Variants in PCDH15 observed in about 807,000 individuals in gnomAD.
The protein encoded by PCDH15 is protocadherin-15.
A neutral mutation model predicts 178.5 loss-of-function variants in PCDH15; 129 were observed. The observed-to-expected ratio is 0.72, with a 90% CI of 0.63 to 0.84. The LOEUF is 0.84. PCDH15 is among the 40% of genes least tolerant of loss of function. The pLI, the probability that PCDH15 is intolerant of heterozygous loss-of-function variation, is 0.00. For synonymous variants in PCDH15, 800 were observed against 732.0 expected, an observed-to-expected ratio of 1.09 and a Z score of -1.50; for missense variants, 2,230 against 2,099.9, an observed-to-expected ratio of 1.06 and a Z score of -1.21.
At chr10:54,078,662 C>T (rs1431114023) in intron 17 of PCDH15, among the ~76,000 whole-genome samples, 2 of 151,162 alleles carry the variant, frequency 1.3e-5, no homozygotes, top group African/African-American at 4.9e-5. Flanking sequence ...GGTAATATTA[C>T]AATACATAGA....
chr10:54,407,858 C>T (rs988191492), intron 3 of PCDH15, among the ~76,000 whole-genome samples: 5 of 151,958 alleles, frequency 3.3e-5, no homozygotes, highest in Non-Finnish European at 5.9e-5. Context: ...GAGTTCCAGA[C>T]CAGCCTGGCC....
At chr10:53,934,087 G>A (rs1470062534) in intron 25 of PCDH15, among the ~76,000 whole-genome samples, 1 of 152,148 alleles carries the variant, frequency 6.6e-6, no homozygotes, top group Non-Finnish European at 1.5e-5. Flanking sequence ...TTTGTCAGAT[G>A]AGTAGGTTGC....
intron 3 of PCDH15, among the ~76,000 whole-genome samples, chr10:54,429,270 A>C (rs1294468020): frequency 6.6e-6 from 1 of 152,136 alleles, no homozygotes; most frequent in East Asian, 1.9e-4. Flanking sequence ...ATCAGTCTGA[A>C]ATAATGGTTT....
intron 1 of PCDH15, among the ~76,000 whole-genome samples, chr10:55,318,481 A>G (rs2132296757): frequency 6.6e-6 from 1 of 152,286 alleles, no homozygotes; most frequent in South Asian, 2.1e-4. Flanking sequence ...GAGTGATAAA[A>G]ATCGAAAGTT....
chr10:53,961,840 T>C lies in PCDH15; in HGVS notation c.2921A>G (p.Tyr974Cys). 1.2e-6 allele frequency: 2 copies of C among 1,609,682 alleles called. No individual in the cohort carries two copies. The highest frequency in any genetic ancestry group is 2.2e-5 in the South Asian group (2 of 90,856). Residue 974 changes from tyrosine to cysteine, a missense_variant, in exon 22 of 38, where the codon TAC becomes TGC. Transcript: ENST00000644397. ...RYRVDDVQFP[Y>C]PASIFEVEED... ...TTCCACTTCAAAAATACTGGCAGGG[T>C]AAGGAAACTGTACATCATCTACTCT...
At chr10:54,488,608 C>A (rs1047798415) in intron 3 of PCDH15, among the ~76,000 whole-genome samples, 1 of 151,776 alleles carries the variant, frequency 6.6e-6, no homozygotes, top group African/African-American at 2.4e-5. Flanking sequence ...ATACTAGAAT[C>A]AGTACTGGCA....
intron 17 of PCDH15, 121 bp downstream of exon 17, chr10:54,079,208 CTA>C (rs2094395555): frequency 1.0e-6 from 1 of 966,930 alleles, no homozygotes; most frequent in Non-Finnish European, 1.7e-6. Context: ...AGCAACACTT[CTA>C]GTAATTATAA....
intron 1 of PCDH15, among the ~76,000 whole-genome samples, chr10:54,685,392 G>C (rs1368753203): frequency 6.6e-6 from 1 of 152,082 alleles, no homozygotes; most frequent in East Asian, 1.9e-4. Context: ...AAGTGTATGT[G>C]CTATTATTTT....
intron 2 of PCDH15, among the ~76,000 whole-genome samples, chr10:55,375,228 T>G (rs2488827): frequency 0.23 from 34,225 of 152,046 alleles, 4,198 homozygotes; most frequent in African/African-American, 0.32. Flanking sequence ...GTGGCTGCTT[T>G]CCGGTGAGTG....
chr10:55,555,513 C>T (rs1261086131), intron 2 of PCDH15, among the ~76,000 whole-genome samples: 1 of 152,020 alleles, frequency 6.6e-6, no homozygotes, highest in Non-Finnish European at 1.5e-5. Context: ...AGTTTTCCTC[C>T]TGGATAAATG....
chr10:55,253,988 G>A (rs1006801268), intron 1 of PCDH15, among the ~76,000 whole-genome samples: 4 of 152,136 alleles, frequency 2.6e-5, no homozygotes, highest in African/African-American at 7.2e-5. Flanking sequence ...TCTTTTATAT[G>A]TCTCTATCCT....
Position 53,862,726 on chromosome 10 carries a change from A to C in PCDH15, c.3717+3916T>G, listed in dbSNP as rs887390771. On this transcript the variant is annotated intron_variant, in intron 27 of 37. Transcript: ENST00000644397. ...TTTTGTCTCTAAGTTGCTCTTTCAT[A>C]TAAAAATGTTAGTCCATAAAAAAAG... is the stretch of plus-strand genomic sequence containing the variant. Among the ~76,000 whole-genome samples the C allele has an allele frequency of 6.6e-5, 10 of 152,328 alleles. No individual in the cohort carries two copies. The East Asian group carries it at 1.9e-3, about 29-fold the overall frequency.
At chr10:53,835,711 G>A (rs996470991) in intron 29 of PCDH15, among the ~76,000 whole-genome samples, 16 of 152,098 alleles carry the variant, frequency 1.1e-4, no homozygotes, top group African/African-American at 3.9e-4. Context: ...GAGCTCAGGA[G>A]TTTGACAGCA....
chr10:54,401,412 T>C (rs1347842191), intron 3 of PCDH15, among the ~76,000 whole-genome samples: 1 of 151,946 alleles, frequency 6.6e-6, no homozygotes, highest in East Asian at 1.9e-4. Flanking sequence ...GTTTCAATTA[T>C]AACTGTAAAT....
rs1952901441 is a variant in PCDH15, at chr10:54,813,623, C to T, written c.-29+83827G>A. On this transcript the variant is annotated intron_variant, in intron 3 of 5. Transcript: ENST00000458638. ...ATCATACCTCATAAACATTTCTCAG[C>T]TCTATTCCTTATTTATTCTCCAACC... 2.6e-5 allele frequency among the ~76,000 whole-genome samples: 4 copies of T among 152,134 alleles called. No homozygotes were observed. The South Asian group carries it at 8.3e-4, about 32-fold the overall frequency.
chr10:55,226,202 T>G (rs1004975086), intron 1 of PCDH15, among the ~76,000 whole-genome samples: 7 of 152,094 alleles, frequency 4.6e-5, no homozygotes. Context: ...AGTTGACATT[T>G]GACCAAAACT....
rs775322800 is a variant in PCDH15 at position 53,806,725 on chromosome 10, T to A, written c.5077A>T (p.Lys1693Ter). 6.2e-7 allele frequency: 1 copy of A among 1,613,870 alleles called. No individual in the cohort carries two copies. Among genetic ancestry groups the A allele is most frequent in the East Asian group, 2.2e-5 (1 of 44,880 alleles). Reference protein sequence around the residue: ...TAVKPLRNRLKSTVEQESMID... With the variant: ...TAVKPLRNRL ...ATGGACTCCTGTTCAACTGTGCTTT[T>A]CAGCCTGTTCCTTAGTGGCTTCACC... Residue 1693 changes from lysine (K) to a stop codon, truncating the protein, a stop_gained, in exon 38 of 38, where the codon AAA becomes TAA. Transcript: ENST00000644397. LOFTEE classifies it high-confidence loss of function.
intron 2 of PCDH15, among the ~76,000 whole-genome samples, chr10:55,476,023 T>C (rs1840056301): frequency 6.6e-6 from 1 of 152,092 alleles, no homozygotes; most frequent in Admixed American, 6.6e-5. Flanking sequence ...CAGTTATGTA[T>C]TCAATTATTT....
chr10:55,174,633 C>T (rs944041573), intron 1 of PCDH15, among the ~76,000 whole-genome samples: 13 of 152,124 alleles, frequency 8.5e-5, no homozygotes, highest in Non-Finnish European at 2.9e-5. Flanking sequence ...AGGCTGCAAA[C>T]GGCAATCTCA....
Sources: allele counts gnomAD v4.1 joint callset (sites outside exome capture counted in the v4.1 genomes callset), GRCh38; gene constraint gnomAD v4.1.1; transcripts MANE v1.5; gene names NCBI Gene and HGNC (gene_info 2026-07-23, HGNC 2026-07-21).